Variants in RTN1 observed in about 807,000 individuals in gnomAD.
RTN1 encodes the protein reticulon 1.
In RTN1, 25 loss-of-function variants were observed where a neutral mutation model predicts 65.5. That is an observed-to-expected ratio of 0.38 (90% CI 0.28 to 0.53). The LOEUF (loss-of-function observed/expected upper bound fraction) is 0.53, where lower values mean the gene tolerates loss of function less well. RTN1 is among the 20% of genes least tolerant of loss of function. RTN1 has a pLI of 0.79. For missense variants in RTN1, 983 were observed against 1,025.4 expected (o/e 0.96, Z 0.57); for synonymous variants, 471 against 447.6 (o/e 1.05, Z -0.66).
intron 1 of RTN1, among the ~76,000 whole-genome samples, chr14:59,772,633 A>G (rs1211718843): frequency 2.6e-5 from 4 of 152,030 alleles, no homozygotes; most frequent in Non-Finnish European, 5.9e-5. Flanking sequence ...ACTATGATGC[A>G]TGTCTTTTAG....
At position 59,745,998 on chromosome 14, in the gene RTN1, G is replaced by A. The variant is rs1361284717; in HGVS notation, c.725C>T (p.Pro242Leu). 2 of 1,614,100 alleles carry A rather than the reference G, an allele frequency of 1.2e-6. No homozygotes were observed. The highest frequency in any genetic ancestry group is 2.2e-5 in the South Asian group (2 of 91,078). The stretch of plus-strand genomic sequence containing the variant: ...GATGATTTTTCCCTCCACAGGAGCT[G>A]GTTTGTCAGGTTCACGGACTCCTTC... ...KPEGVREPDK[P>L]APVEGKIIKD... The change falls in exon 2 of 9, where the codon CCA becomes CTA. Residue 242 changes from proline to leucine, a missense_variant. Physicochemically the swap from Pro to Leu is moderately conservative, Grantham distance 98 (BLOSUM62 -3). This residue lies in a region of RTN1 where 818 missense variants were observed against 801.8 expected (regional missense o/e 1.02). Transcript: ENST00000267484.
At chr14:59,626,286 A>G (rs962754844) in intron 3 of RTN1, among the ~76,000 whole-genome samples, 1 of 152,348 alleles carries the variant, frequency 6.6e-6, no homozygotes, top group Admixed American at 6.5e-5. Flanking sequence ...GTAGACCAGC[A>G]TAAAAGTTTC....
intron 1 of RTN1, among the ~76,000 whole-genome samples, chr14:59,804,066 T>C (rs1416804062): frequency 1.3e-5 from 2 of 152,214 alleles, no homozygotes; most frequent in African/African-American, 4.8e-5. Context: ...ACTTTATTCA[T>C]ATCTCCTTAG....
In RTN1 at chr14:59,870,508, C is replaced by T; in HGVS notation, c.123G>A (p.Ala41=). Reference sequence around the variant, plus strand: ...CCGGGCTGGGCTCCCCAGCCTGCGGCGCCGGCGTGGCCCCTTTCGGCGTCA... The same window carrying T: ...CCGGGCTGGGCTCCCCAGCCTGCGGTGCCGGCGTGGCCCCTTTCGGCGTCA... The part of the protein sequence containing the change: ...EAVTPKGATP[A]PQAGEPSPGL... Residue 41 remains alanine, a synonymous_variant, in exon 1 of 9, where the codon GCG becomes GCA. Coordinates refer to ENST00000267484, the MANE Select transcript of RTN1 (RefSeq NM_021136.3). This position sits in a 1 kb window ranked among gnomAD's most constrained non-coding sequence, Gnocchi z 5.1. 1 of 1,456,344 alleles carries T rather than the reference C, an allele frequency of 6.9e-7. No homozygotes were observed. Among genetic ancestry groups the T allele is most frequent in the Non-Finnish European group, 9.0e-7 (1 of 1,110,308 alleles). The allele number at this position is 1,456,344 out of a possible 1,614,324, so 90.2% of individuals were successfully genotyped here.
intron 3 of RTN1, among the ~76,000 whole-genome samples, chr14:59,634,086 T>C (rs1315878342): frequency 6.6e-6 from 1 of 152,042 alleles, no homozygotes; most frequent in Non-Finnish European, 1.5e-5. Flanking sequence ...TAGACAAGTG[T>C]ATGGGAAAAA....
At chr14:59,650,170 T>A (rs1226151132) in intron 3 of RTN1, among the ~76,000 whole-genome samples, 1 of 152,192 alleles carries the variant, frequency 6.6e-6, no homozygotes, top group African/African-American at 2.4e-5. Context: ...AAACACTGCA[T>A]GTTCTCACTC....
rs760980070 is a variant in RTN1 at position 59,745,772 on chromosome 14, A to T, written c.951T>A (p.Thr317=). 1.2e-6 allele frequency: 2 copies of T among 1,613,962 alleles called. No individual in the cohort carries two copies. Among genetic ancestry groups the T allele is most frequent in the Middle Eastern group, 1.7e-4 (1 of 6,060 alleles). ...CGTCTTCAGGCTCCGAGACAGTGAC[A>T]GTGGGGACTGTGTCAGGACTTGGCT... is the stretch of plus-strand genomic sequence containing the variant. ...CLKPSPDTVP[T]VTVSEPEDDS... The change falls in exon 2 of 9, where the codon ACT becomes ACA. Residue 317 remains threonine, a synonymous_variant. Transcript: ENST00000267484.
chr14:59,782,580 CT>C (rs1886176333), intron 1 of RTN1, among the ~76,000 whole-genome samples: 1 of 152,112 alleles, frequency 6.6e-6, no homozygotes, highest in African/African-American at 2.4e-5. Flanking sequence ...GTTAAGTCAG[CT>C]TTTTATCCCA....
chr14:59,748,995 G>A (rs1236337383), intron 1 of RTN1, among the ~76,000 whole-genome samples: 3 of 150,212 alleles, frequency 2.0e-5, no homozygotes, highest in Non-Finnish European at 4.4e-5. Context: ...TTGTCATGTC[G>A]GCCAGATGGT....
At chr14:59,734,998 A>G (rs1566704299) in intron 2 of RTN1, among the ~76,000 whole-genome samples, 1 of 152,114 alleles carries the variant, frequency 6.6e-6, no homozygotes, top group African/African-American at 2.4e-5. Context: ...AAAGACCAGG[A>G]CATCTATAAA....
At chr14:59,608,851 C>CT (rs958481256) in intron 3 of RTN1, among the ~76,000 whole-genome samples, 3 of 151,940 alleles carry the variant, frequency 2.0e-5, no homozygotes, top group Admixed American at 1.3e-4. Flanking sequence ...TGAAACAGAT[C>CT]TTTTTTTTCT....
chr14:59,796,970 T>A (rs1474206595), intron 1 of RTN1, among the ~76,000 whole-genome samples: 1 of 152,168 alleles, frequency 6.6e-6, no homozygotes, highest in Non-Finnish European at 1.5e-5. Context: ...CAATAAAAGA[T>A]CAGGTATGTT....
rs1883306400 is a variant in RTN1 at position 59,663,905 on chromosome 14, G to T, written c.1766-56413C>A. Among the ~76,000 whole-genome samples, 3 of 152,124 alleles carry T rather than the reference G, an allele frequency of 2.0e-5. No homozygotes were observed. The South Asian group carries it at 6.2e-4, about 31-fold the overall frequency. ...TAGTTCAGCCATTGTGGAAGATAGT[G>T]TGGCGATTCCTCAAGGATCTAGAAC... On this transcript the variant is annotated intron_variant, in intron 3 of 8. Coordinates refer to ENST00000267484, the MANE Select transcript of RTN1 (RefSeq NM_021136.3).
At chr14:59,729,485 A>T (rs1183578878) in intron 2 of RTN1, among the ~76,000 whole-genome samples, 1 of 152,162 alleles carries the variant, frequency 6.6e-6, no homozygotes, top group Non-Finnish European at 1.5e-5. Flanking sequence ...TTTTTACAGG[A>T]GTTAGTTCCT....
Position 59,681,406 on chromosome 14 carries a change from C to T in RTN1, c.1765+45513G>A, listed in dbSNP as rs79890990. ...CTTAAAAAATGGTAATTTGAAAATG[C>T]CAAAATGTTCTCCATACTATTTTTT... is the stretch of plus-strand genomic sequence containing the variant. On this transcript the variant is annotated intron_variant, in intron 3 of 8. Coordinates refer to ENST00000267484, the MANE Select transcript of RTN1 (RefSeq NM_021136.3). Among the ~76,000 whole-genome samples, 621 of 151,864 alleles carry T rather than the reference C, an allele frequency of 4.1e-3. 4 individuals carry two copies. The highest frequency in any genetic ancestry group is 0.015 in the African/African-American group (598 of 41,192).
intron 3 of RTN1, among the ~76,000 whole-genome samples, chr14:59,710,824 C>T (rs1594692661): frequency 1.3e-5 from 2 of 152,324 alleles, no homozygotes; most frequent in South Asian, 2.1e-4. Context: ...ACTGCCATAT[C>T]TAGTACAGAA....
chr14:59,681,644 A>G (rs1030847743), intron 3 of RTN1, among the ~76,000 whole-genome samples: 1 of 152,150 alleles, frequency 6.6e-6, no homozygotes, highest in Non-Finnish European at 1.5e-5. Flanking sequence ...CTAGCTCTTG[A>G]GTTCCAGGTT....
At chr14:59,660,022 C>G (rs532746073) in intron 3 of RTN1, among the ~76,000 whole-genome samples, 1 of 151,984 alleles carries the variant, frequency 6.6e-6, no homozygotes, top group Non-Finnish European at 1.5e-5. Context: ...CACACATAAG[C>G]TTAAAATAAA....
intron 3 of RTN1, among the ~76,000 whole-genome samples, chr14:59,719,022 T>A (rs1006395594): frequency 3.9e-5 from 6 of 152,214 alleles, no homozygotes; most frequent in African/African-American, 1.4e-4. Context: ...TTTGTCTTCC[T>A]GCTTCCATGC....
Sources: allele counts gnomAD v4.1 joint callset (sites outside exome capture counted in the v4.1 genomes callset), GRCh38; gene constraint gnomAD v4.1.1; regional missense constraint gnomAD v4.1.1; non-coding constraint Gnocchi (gnomAD v3.1); transcripts MANE v1.5; gene names NCBI Gene and HGNC (gene_info 2026-07-23, HGNC 2026-07-21).